Variants in MATN2 observed in about 807,000 individuals in gnomAD.
The protein encoded by MATN2 is matrilin 2.
MATN2 carries 69 observed loss-of-function variants against 103.2 expected under a neutral mutation model. The ratio of observed to expected loss-of-function variants is 0.67; its 90% CI spans 0.55 to 0.82. The LOEUF is 0.82. Among genes scored for constraint, MATN2 ranks in the 40% least tolerant of loss-of-function variants. The probability of loss-of-function intolerance (pLI) is 0.00; values close to 1 mark genes in which losing one functional copy is unlikely to be tolerated. For missense variants in MATN2, 1,023 were observed against 1,211.5 expected, an observed-to-expected ratio of 0.84 and a Z score of 2.31; for synonymous variants, 429 against 450.2, an observed-to-expected ratio of 0.95 and a Z score of 0.60.
chr8:97,874,423 T>G (rs1338287947), intron 1 of MATN2, among the ~76,000 whole-genome samples: 1 of 151,504 alleles, frequency 6.6e-6, no homozygotes, highest in African/African-American at 2.4e-5. Context: ...TTTTTTTGTT[T>G]GAGACAAGGT....
intron 2 of MATN2, among the ~76,000 whole-genome samples, chr8:97,903,389 G>A (rs186420728): frequency 6.6e-6 from 1 of 152,326 alleles, no homozygotes; most frequent in Admixed American, 6.5e-5. Context: ...ACATGGAAGG[G>A]CTCTTCCTCA....
At chr8:98,027,303 C>T in intron 13 of MATN2, 113 bp from the exon 14 acceptor site, 2 of 886,738 alleles carry the variant, frequency 2.3e-6, no homozygotes, top group African/African-American at 1.7e-5. Context: ...ATCTAAAGAA[C>T]AAAACTGGTT....
At chr8:97,962,028 G>A (rs16896468) in intron 5 of MATN2, among the ~76,000 whole-genome samples, 13,752 of 152,186 alleles carry the variant, frequency 0.09, 894 homozygotes, top group Admixed American at 0.2. Flanking sequence ...ATTAGACGGC[G>A]TGGTCAGAGG....
At chr8:97,998,672 T>C (rs199787125) in intron 7 of MATN2, among the ~76,000 whole-genome samples, 1 of 149,260 alleles carries the variant, frequency 6.7e-6, no homozygotes, top group African/African-American at 2.5e-5. Flanking sequence ...ATTTTAAAAA[T>C]TTTTTTTTAT....
chr8:97,951,741 GTTTA>G (rs3076715), intron 4 of MATN2, among the ~76,000 whole-genome samples: 80,487 of 151,598 alleles, frequency 0.53, 21,755 homozygotes, highest in East Asian at 0.77. Flanking sequence ...ATTTTTGTTT[GTTTA>G]TTTATTATTT....
intron 1 of MATN2, among the ~76,000 whole-genome samples, chr8:97,876,946 C>T (rs561695786): frequency 6.1e-4 from 93 of 151,658 alleles, no homozygotes; most frequent in African/African-American, 2.2e-3. Flanking sequence ...ATTATATGGC[C>T]ACACCACAGT....
intron 2 of MATN2, among the ~76,000 whole-genome samples, chr8:97,903,569 C>A (rs948220512): frequency 5.3e-5 from 8 of 152,200 alleles, no homozygotes; most frequent in Non-Finnish European, 1.2e-4. Flanking sequence ...GTGGGAAGGA[C>A]TCTGCCTCTC....
chr8:97,943,513 G>A (rs748653546), intron 4 of MATN2, among the ~76,000 whole-genome samples: 21 of 150,876 alleles, frequency 1.4e-4, no homozygotes, highest in Non-Finnish European at 1.8e-4. Context: ...TTGCTCTGTC[G>A]TCCAGGCTGT....
At chr8:97,914,335 G>A (rs191293167) in intron 2 of MATN2, among the ~76,000 whole-genome samples, 114 of 128,144 alleles carry the variant, frequency 8.9e-4, no homozygotes, top group African/African-American at 3.0e-3. Context: ...AGTGCTCCTC[G>A]TTTGTCCTAA....
chr8:97,941,318 A>T (rs1810558572), intron 3 of MATN2, among the ~76,000 whole-genome samples: 1 of 152,042 alleles, frequency 6.6e-6, no homozygotes, highest in African/African-American at 2.4e-5. Flanking sequence ...AATTTACGTT[A>T]CTCTTGAAAC....
rs370076156 is a variant in MATN2, at chr8:97,961,320, C to T, written c.836-88C>T. On this transcript the variant is annotated intron_variant, in intron 4 of 18. Transcript: ENST00000254898. ...TTTTTAAAAGTTACTTTGGTGAGGG[C>T]TCTGGAGTTCCCTGTTGCCTCACCC... The T allele has an allele frequency of 2.2e-4, 297 of 1,351,998 alleles. No individual in the cohort carries two copies. The African/African-American group carries it at 3.8e-3, about 17-fold the overall frequency. 83.8% of individuals were successfully genotyped at this position (1,351,998 alleles called of 1,614,324 possible). A position where few individuals can be genotyped will look rare whatever the true frequency, so the allele number is the denominator to read the frequency against.
At chr8:98,016,770 G>A in intron 11 of MATN2, 108 bp downstream of exon 11, 1 of 1,344,202 alleles carries the variant, frequency 7.4e-7, no homozygotes, top group African/African-American at 1.4e-5. Context: ...ATGCCACACA[G>A]CAAAATGTAA....
At chr8:98,032,197 CAT>C (rs1379897425) in intron 15 of MATN2, 47 bp from the exon 16 acceptor site, 1 of 1,469,388 alleles carries the variant, frequency 6.8e-7, no homozygotes, top group Non-Finnish European at 9.4e-7. Flanking sequence ...AGAACACACA[CAT>C]GCCTGTGGAC....
At chr8:97,901,874 C>T (rs1167001811) in intron 2 of MATN2, among the ~76,000 whole-genome samples, 1 of 152,146 alleles carries the variant, frequency 6.6e-6, no homozygotes, top group Non-Finnish European at 1.5e-5. Flanking sequence ...CTTCAAAATC[C>T]ATTTGTGCAT....
chr8:97,953,147 C>T (rs1410277411), intron 4 of MATN2, among the ~76,000 whole-genome samples: 1 of 149,778 alleles, frequency 6.7e-6, no homozygotes, highest in African/African-American at 2.4e-5. Flanking sequence ...GGTCTTGATC[C>T]TCCTGCGTTG....
chr8:97,941,248 C>T (rs1380791823), intron 3 of MATN2, among the ~76,000 whole-genome samples: 1 of 142,770 alleles, frequency 7.0e-6, no homozygotes, highest in Non-Finnish European at 1.5e-5. Context: ...ATTACAGAAA[C>T]ATGAAACGTG....
chr8:97,957,845 G>C (rs1219015469), intron 4 of MATN2, among the ~76,000 whole-genome samples: 1 of 152,152 alleles, frequency 6.6e-6, no homozygotes. Flanking sequence ...AAACACCACT[G>C]CCCAAATCCC....
At chr8:97,995,652 A>G (rs1029375808) in intron 7 of MATN2, among the ~76,000 whole-genome samples, 2 of 152,226 alleles carry the variant, frequency 1.3e-5, no homozygotes, top group Non-Finnish European at 2.9e-5. Flanking sequence ...GGTTTCACAT[A>G]TATCTTTTTT....
chr8:97,882,845 G>A (rs983842644), intron 1 of MATN2, among the ~76,000 whole-genome samples: 2 of 151,866 alleles, frequency 1.3e-5, no homozygotes, highest in Non-Finnish European at 1.5e-5. Context: ...ATTTGTTGTG[G>A]CGTCTTATTG....
Sources: allele counts gnomAD v4.1 joint callset (sites outside exome capture counted in the v4.1 genomes callset), GRCh38; gene constraint gnomAD v4.1.1; transcripts MANE v1.5; gene names NCBI Gene and HGNC (gene_info 2026-07-23, HGNC 2026-07-21).